The following GDAP1 variants were observed in gnomAD, a reference collection of about 807,000 sequenced individuals.
GDAP1 encodes ganglioside induced differentiation associated protein 1, also known as ganglioside-induced differentiation-associated protein 1.
GDAP1 carries 34 observed loss-of-function variants against 40.1 expected under a neutral mutation model. The ratio of observed to expected loss-of-function variants is 0.85; its 90% CI spans 0.64 to 1.13. GDAP1 has a LOEUF of 1.13. Among genes scored for constraint, GDAP1 ranks in the 50% most tolerant of loss-of-function variants. GDAP1 has a pLI of 0.00. For missense variants in GDAP1, 374 were observed against 433.7 expected (o/e 0.86, Z 1.22); for synonymous variants, 170 against 157.4 (o/e 1.08, Z -0.60).
chr8:74,426,054 A>T (rs145861225), intron 2 of GDAP1, among the ~76,000 whole-genome samples: 19 of 152,200 alleles, frequency 1.2e-4, no homozygotes, highest in African/African-American at 4.3e-4. Flanking sequence ...TAGTTCTGCT[A>T]GCTTAGATAT....
intron 2 of GDAP1, among the ~76,000 whole-genome samples, chr8:74,447,487 A>T (rs762172569): frequency 1.7e-4 from 26 of 152,270 alleles, no homozygotes; most frequent in Non-Finnish European, 2.6e-4. Context: ...ATGTGACGCC[A>T]CAAGTGGAAA....
chr8:74,420,744 G>A (rs972668915), intron 2 of GDAP1, among the ~76,000 whole-genome samples: 1 of 151,902 alleles, frequency 6.6e-6, no homozygotes, highest in Non-Finnish European at 1.5e-5. Flanking sequence ...TATGTGGGTA[G>A]TAGATAGTAG....
At chr8:74,488,047 T>C (rs1175123419) in intron 2 of GDAP1, among the ~76,000 whole-genome samples, 1 of 152,186 alleles carries the variant, frequency 6.6e-6, no homozygotes, top group Non-Finnish European at 1.5e-5. Flanking sequence ...AATACTTTTC[T>C]GCAATGTACT....
chr8:74,393,123 T>C (rs1810137438), intron 2 of GDAP1, among the ~76,000 whole-genome samples: 1 of 152,220 alleles, frequency 6.6e-6, no homozygotes, highest in Non-Finnish European at 1.5e-5. Context: ...TTGCATCATA[T>C]GGGGTAATAT....
chr8:74,436,390 T>C (rs1201789047), intron 2 of GDAP1, among the ~76,000 whole-genome samples: 1 of 151,142 alleles, frequency 6.6e-6, no homozygotes, highest in Admixed American at 6.6e-5. Context: ...CAGAAATCCT[T>C]GAAACTTTTC....
rs574046237 is a variant in GDAP1 at position 74,407,103 on chromosome 8, A to T, written c.165+55782A>T. ...TAATTTTTAGGCTTCAATTAACAGG[A>T]AGTACAAAAGAAAACTACATGTATT... On this transcript the variant is annotated intron_variant, in intron 2 of 2. Coordinates refer to the GDAP1 transcript ENST00000523640. Among the ~76,000 whole-genome samples the T allele has an allele frequency of 8.8e-4, 132 of 150,150 alleles. 2 individuals are homozygous for T. Among genetic ancestry groups the T allele is most frequent in the Non-Finnish European group, 1.5e-3 (104 of 68,022 alleles).
At chr8:74,356,609 G>C (rs1335873795) in intron 2 of GDAP1, among the ~76,000 whole-genome samples, 2 of 147,530 alleles carry the variant, frequency 1.4e-5, no homozygotes, top group African/African-American at 5.0e-5. Flanking sequence ...CAATCAGTTT[G>C]CTACCATATC....
chr8:74,363,842 T>G, intron 5 of GDAP1, 143 bp from the exon 6 acceptor site: 2 of 704,204 alleles, frequency 2.8e-6, no homozygotes, highest in Non-Finnish European at 5.0e-6. Flanking sequence ...TCTCTGAGTG[T>G]GGCTGTCAAG....
intron 2 of GDAP1, among the ~76,000 whole-genome samples, chr8:74,395,867 A>T (rs1275133258): frequency 1.3e-5 from 2 of 152,196 alleles, no homozygotes; most frequent in East Asian, 3.8e-4. Context: ...AGTAAGATGG[A>T]AAAATGGGTT....
intron 2 of GDAP1, among the ~76,000 whole-genome samples, chr8:74,398,490 G>T (rs1433428370): frequency 6.6e-6 from 1 of 152,156 alleles, no homozygotes; most frequent in African/African-American, 2.4e-5. Flanking sequence ...CATGTCATCT[G>T]CAAACAGGGA....
At chr8:74,402,459 C>A (rs79788020) in intron 2 of GDAP1, among the ~76,000 whole-genome samples, 1 of 150,452 alleles carries the variant, frequency 6.6e-6, no homozygotes, top group African/African-American at 2.5e-5. Flanking sequence ...CCGTCTGTCA[C>A]CCCTTTCTTT....
intron 2 of GDAP1, among the ~76,000 whole-genome samples, chr8:74,418,227 A>C (rs1310323248): frequency 6.6e-6 from 1 of 152,260 alleles, no homozygotes; most frequent in Non-Finnish European, 1.5e-5. Context: ...TACAATAGCC[A>C]AAACAATTGG....
In GDAP1 at chr8:74,364,952, T is replaced by C. The variant is rs1290680871; in HGVS notation, c.*585T>C. 1 of 454,032 alleles carries C rather than the reference T, an allele frequency of 2.2e-6. No individual in the cohort carries two copies. Among genetic ancestry groups the C allele is most frequent in the African/African-American group, 2.0e-5 (1 of 50,022 alleles). 28.1% of individuals were successfully genotyped at this position (454,032 alleles called of 1,614,324 possible). A position where few individuals can be genotyped will look rare whatever the true frequency, so the allele number is the denominator to read the frequency against. ...GCATTTCTGTAAAAGTCTTAAGTGATATTAAGATGATTCCTTACCATTTCA... is the reference window on the plus strand; with the variant it reads ...GCATTTCTGTAAAAGTCTTAAGTGACATTAAGATGATTCCTTACCATTTCA... On this transcript the variant is annotated 3_prime_UTR_variant, in exon 6 of 6. Transcript: ENST00000220822.
chr8:74,402,642 G>A (rs1354620317), intron 2 of GDAP1, among the ~76,000 whole-genome samples: 1 of 150,334 alleles, frequency 6.7e-6, no homozygotes, highest in Admixed American at 6.6e-5. Flanking sequence ...CCCGTCTTCT[G>A]TGTCGCTCAT....
At chr8:74,419,072 C>G (rs1200846475) in intron 2 of GDAP1, among the ~76,000 whole-genome samples, 1 of 152,148 alleles carries the variant, frequency 6.6e-6, no homozygotes, top group Non-Finnish European at 1.5e-5. Flanking sequence ...TCTCATACAT[C>G]GCTCCTGGGA....
intron 2 of GDAP1, among the ~76,000 whole-genome samples, chr8:74,437,788 A>T (rs932644595): frequency 1.3e-5 from 2 of 152,234 alleles, no homozygotes; most frequent in African/African-American, 2.4e-5. Flanking sequence ...AGATTTAAGC[A>T]CATGGTACGT....
intron 2 of GDAP1, among the ~76,000 whole-genome samples, chr8:74,397,342 C>A (rs1810225821): frequency 6.6e-6 from 1 of 151,972 alleles, no homozygotes; most frequent in South Asian, 2.1e-4. Flanking sequence ...TTTTGCTGTG[C>A]AGAAGCTCTT....
In GDAP1 at chr8:74,351,309, C is replaced by T. The variant is rs1413222465; in HGVS notation, c.153C>T (p.Cys51=). The T allele has an allele frequency of 3.7e-6, 6 of 1,613,948 alleles. No homozygotes were observed. Among genetic ancestry groups the T allele is most frequent in the Non-Finnish European group, 5.1e-6 (6 of 1,179,920 alleles). The change falls in exon 2 of 6, where the codon TGC becomes TGT. Residue 51 remains cysteine (C), a synonymous_variant. Coordinates refer to ENST00000220822, the MANE Select transcript of GDAP1 (RefSeq NM_018972.4). ...RLVIAEKALK[C]EEHDVSLPLS... The stretch of plus-strand genomic sequence containing the variant: ...TAATTGCTGAAAAGGCATTGAAGTG[C>T]GAGGAACATGATGTAAGTCTGCCCT...
intron 2 of GDAP1, among the ~76,000 whole-genome samples, chr8:74,463,289 T>TA (rs1806425573): frequency 6.9e-6 from 1 of 145,428 alleles, no homozygotes; most frequent in Admixed American, 6.9e-5. Context: ...CCATATGTAT[T>TA]AAAAAAATAA....
Sources: gnomAD v4.1 joint callset for allele counts (sites outside exome capture counted in the v4.1 genomes callset) on GRCh38, gnomAD v4.1.1 for gene constraint, MANE v1.5 for transcripts, NCBI Gene and HGNC (gene_info 2026-07-23, HGNC 2026-07-21) for gene names.